Variants in UPRT observed in about 807,000 individuals in gnomAD.
UPRT encodes the protein RP11-311P8.3.
A neutral mutation model predicts 22.6 loss-of-function variants in UPRT; 5 were observed. The ratio of observed to expected loss-of-function variants is 0.22; its 90% confidence interval spans 0.12 to 0.47. The LOEUF (loss-of-function observed/expected upper bound fraction) is 0.47. Among genes scored for constraint, UPRT ranks in the 20% least tolerant of loss-of-function variants. The probability of loss-of-function intolerance (pLI) is 0.99; values close to 1 mark genes in which losing one functional copy is unlikely to be tolerated. For missense variants in UPRT, 181 were observed against 239.9 expected (o/e 0.75, Z 1.62); for synonymous variants, 77 against 87.7 (o/e 0.88, Z 0.68).
chrX:75,227,780 G>A (rs187880646), intron 4 of UPRT, among the ~76,000 whole-genome samples: 192 of 112,391 alleles, frequency 1.7e-3, no homozygotes, highest in African/African-American at 5.7e-3. Flanking sequence ...ACTTTTGCAA[G>A]CAGGTACATG....
intron 4 of UPRT, among the ~76,000 whole-genome samples, chrX:75,200,837 C>G (rs1056679522): frequency 1.8e-5 from 2 of 111,273 alleles, no homozygotes; most frequent in African/African-American, 6.5e-5. Context: ...TCTAGCTACT[C>G]AGCAGGCACT....
intron 4 of UPRT, among the ~76,000 whole-genome samples, chrX:75,201,220 A>G (rs1396129694): frequency 8.9e-6 from 1 of 112,512 alleles, no homozygotes; most frequent in Non-Finnish European, 1.9e-5. Context: ...CAACTAAAAT[A>G]TCAGCTTTTT....
upstream of UPRT, among the ~76,000 whole-genome samples, chrX:75,273,501 T>C (rs1215909635): frequency 9.0e-6 from 1 of 111,198 alleles, no homozygotes; most frequent in Non-Finnish European, 1.9e-5. Context: ...AGTGAGTCCA[T>C]ACACTTAAAA....
At chrX:75,229,366 T>A (rs1414580056) in intron 4 of UPRT, among the ~76,000 whole-genome samples, 4 of 111,356 alleles carry the variant, frequency 3.6e-5, no homozygotes, top group African/African-American at 1.3e-4. Context: ...AAAGAAAAAA[T>A]TTTGAAAGCC....
intron 4 of UPRT, among the ~76,000 whole-genome samples, chrX:75,183,592 C>G (rs777998945): frequency 1.8e-5 from 2 of 111,834 alleles, no homozygotes; most frequent in East Asian, 2.8e-4. Context: ...CTTGAGGAAT[C>G]GCCACACCGA....
chrX:75,292,629 T>C (rs1043969263), intron 1 of UPRT, among the ~76,000 whole-genome samples: 3 of 111,862 alleles, frequency 2.7e-5, no homozygotes, highest in Non-Finnish European at 3.8e-5. Context: ...AGGTGGTCCA[T>C]AGATAGGCAG....
intron 4 of UPRT, among the ~76,000 whole-genome samples, chrX:75,210,879 A>G (rs1376437631): frequency 9.0e-6 from 1 of 111,108 alleles, no homozygotes; most frequent in Admixed American, 9.6e-5. Flanking sequence ...GATTATGTTG[A>G]ATTTGGAAAT....
At chrX:75,185,344 A>T (rs1251540276) in intron 4 of UPRT, among the ~76,000 whole-genome samples, 3 of 111,848 alleles carry the variant, frequency 2.7e-5, no homozygotes, top group African/African-American at 9.8e-5. Flanking sequence ...CGTATATTGA[A>T]CCAGCCTTGC....
chrX:75,232,678 T>G (rs2082443056), intron 4 of UPRT, among the ~76,000 whole-genome samples: 1 of 112,130 alleles, frequency 8.9e-6, no homozygotes, highest in Non-Finnish European at 1.9e-5. Flanking sequence ...AGGGGCAGAC[T>G]GACACCTCAC....
intron 4 of UPRT, among the ~76,000 whole-genome samples, chrX:75,254,313 A>C (rs1020624473): frequency 8.9e-6 from 1 of 111,948 alleles, no homozygotes; most frequent in East Asian, 2.8e-4. Flanking sequence ...AGAAATAGTC[A>C]ATGAAATAGC....
chrX:75,238,240 C>T (rs1348717367), intron 4 of UPRT, among the ~76,000 whole-genome samples: 1 of 110,987 alleles, frequency 9.0e-6, no homozygotes, highest in African/African-American at 3.3e-5. Context: ...ACAGACTCAC[C>T]TATCACATAA....
intron 1 of UPRT, among the ~76,000 whole-genome samples, chrX:75,279,986 A>C (rs1421507324): frequency 9.0e-6 from 1 of 111,056 alleles, no homozygotes; most frequent in Admixed American, 9.6e-5. Context: ...TCATTTTTTT[A>C]ATGGCTGACT....
At chrX:75,214,857 G>A (rs750893362) in intron 4 of UPRT, among the ~76,000 whole-genome samples, 98 of 111,166 alleles carry the variant, frequency 8.8e-4, no homozygotes, top group African/African-American at 3.2e-3. Context: ...AGGCTGCAGT[G>A]AGCCATGATT....
chrX:75,242,934 G>A (rs1410958149), intron 4 of UPRT, among the ~76,000 whole-genome samples: 1 of 111,464 alleles, frequency 9.0e-6, no homozygotes, highest in Non-Finnish European at 1.9e-5. Context: ...ATTCCTATTA[G>A]TACATGCAAA....
chrX:75,224,386 C>A (rs888156095), intron 4 of UPRT, among the ~76,000 whole-genome samples: 2 of 110,795 alleles, frequency 1.8e-5, no homozygotes, highest in African/African-American at 6.6e-5. Flanking sequence ...ATTGGTACTG[C>A]TCCCACAGCT....
chrX:75,267,949 CA>C (rs959424602), intron 4 of UPRT, among the ~76,000 whole-genome samples: 4 of 110,175 alleles, frequency 3.6e-5, no homozygotes, highest in Admixed American at 2.0e-4. Context: ...AAAAAACCCT[CA>C]AAAAAAATCA....
chrX:75,165,803 A>G (rs150142275), intron 3 of UPRT, among the ~76,000 whole-genome samples: 3,189 of 111,123 alleles, frequency 0.029, 116 homozygotes, highest in African/African-American at 0.1. Context: ...AGGTCTCACT[A>G]TGTTGCCCAG....
At chrX:75,213,963 C>A (rs1424163492) in intron 4 of UPRT, among the ~76,000 whole-genome samples, 1 of 111,842 alleles carries the variant, frequency 8.9e-6, no homozygotes, top group Non-Finnish European at 1.9e-5. Flanking sequence ...TCAATATCAC[C>A]ATTAATCAAA....
At chrX:75,165,841 G>A (rs983197692) in intron 3 of UPRT, among the ~76,000 whole-genome samples, 10 of 111,089 alleles carry the variant, frequency 9.0e-5, no homozygotes, top group African/African-American at 2.6e-4. Flanking sequence ...GAGTGCAAAT[G>A]ATCCTCCTGC....
Sources: allele counts gnomAD v4.1 joint callset (sites outside exome capture counted in the v4.1 genomes callset), GRCh38; gene constraint gnomAD v4.1.1; transcripts MANE v1.5; gene names NCBI Gene and HGNC (gene_info 2026-07-23, HGNC 2026-07-21).